Variants in POLR1E observed in about 807,000 individuals in gnomAD.
POLR1E encodes RNA polymerase I subunit E.
POLR1E carries 37 observed loss-of-function variants against 50.9 expected under a neutral mutation model. The observed-to-expected ratio is 0.73, with a 90% CI of 0.56 to 0.96. POLR1E has a LOEUF of 0.96. Ranked by LOEUF, POLR1E falls within the 40% of genes least tolerant of loss-of-function variation. The pLI is 0.00. For missense variants in POLR1E, 426 were observed against 518.1 expected (o/e 0.82, Z 1.73); for synonymous variants, 166 against 191.6 (o/e 0.87, Z 1.10).
chr9:37,501,058 C>T, intron 10 of POLR1E, 137 bp downstream of exon 10: 1 of 811,582 alleles, frequency 1.2e-6, no homozygotes, highest in Non-Finnish European at 1.9e-6. Flanking sequence ...TTGGAAGGCT[C>T]CTGGGGCCCC....
chr9:37,487,849 T>G lies in POLR1E; in HGVS notation c.181-14T>G. 6.2e-7 allele frequency: 1 copy of G among 1,613,548 alleles called. No homozygotes were observed. The highest frequency in any genetic ancestry group is 8.5e-7 in the Non-Finnish European group (1 of 1,179,442). On this transcript the variant is annotated splice_polypyrimidine_tract_variant and intron_variant, in intron 2 of 11. Transcript: ENST00000377798. Reference sequence around the variant, plus strand: ...CATTGGTTGTAAATGGAGTTTCCCCTCTCTGCATTTTAGGCAGCTGAAACA... The same window carrying G: ...CATTGGTTGTAAATGGAGTTTCCCCGCTCTGCATTTTAGGCAGCTGAAACA...
At chr9:37,488,777 T>TC (rs1365489764) in intron 3 of POLR1E, among the ~76,000 whole-genome samples, 1 of 152,088 alleles carries the variant, frequency 6.6e-6, no homozygotes, top group East Asian at 1.9e-4. Context: ...AGTAGCTTTT[T>TC]TTTTTTTCCC....
intron 11 of POLR1E, 55 bp from the exon 12 acceptor site, chr9:37,502,988 C>T: frequency 3.9e-6 from 6 of 1,528,292 alleles, no homozygotes; most frequent in Non-Finnish European, 5.3e-6. Flanking sequence ...GCCAAACCTC[C>T]CTGAACAGTC....
At chr9:37,498,354 C>T (rs961300462) in intron 9 of POLR1E, 130 bp downstream of exon 9, 20 of 998,620 alleles carry the variant, frequency 2.0e-5, no homozygotes, top group Non-Finnish European at 2.3e-5. Flanking sequence ...CTGTGAGATT[C>T]ATTCTGGTAC....
At chr9:37,503,020 TC>T in intron 11 of POLR1E, 22 bp from the exon 12 acceptor site, 1 of 1,598,848 alleles carries the variant, frequency 6.3e-7, no homozygotes, top group Non-Finnish European at 8.5e-7. Context: ...TCTCTCCAGT[TC>T]TTCTGTTTAT....
At chr9:37,486,303 C>A (rs1820573586) in intron 1 of POLR1E, 180 bp downstream of exon 1, 8 of 1,295,672 alleles carry the variant, frequency 6.2e-6, no homozygotes, top group Non-Finnish European at 8.3e-6. Context: ...CACTACCTCC[C>A]AGCCAGATTG....
intron 4 of POLR1E, among the ~76,000 whole-genome samples, chr9:37,491,700 G>A (rs961280032): frequency 1.3e-5 from 2 of 152,142 alleles, no homozygotes; most frequent in Non-Finnish European, 2.9e-5. Context: ...GTGGCCTCAA[G>A]TGATTCACCC....
At position 37,495,258 on chromosome 9, in the gene POLR1E, G is replaced by T. The variant is rs143620552; in HGVS notation, c.637G>T (p.Val213Leu). 4.3e-6 allele frequency: 7 copies of T among 1,613,554 alleles called. No homozygotes were observed. Among genetic ancestry groups the T allele is most frequent in the Admixed American group, 1.7e-5 (1 of 60,010 alleles). Residue 213 changes from valine to leucine, a missense_variant, in exon 7 of 12, where the codon GTG becomes TTG. Coordinates refer to ENST00000377798, the MANE Select transcript of POLR1E (RefSeq NM_022490.4). Reference protein sequence around the residue: ...CYDDAAKPEDVYKFEDLLSPA... With the variant: ...CYDDAAKPEDLYKFEDLLSPA... ...TGATGATGCAGCCAAGCCTGAAGACGTGTATAAATTTGAAGATCGTATCCT... is the reference window on the plus strand; with the variant it reads ...TGATGATGCAGCCAAGCCTGAAGACTTGTATAAATTTGAAGATCGTATCCT...
chr9:37,490,751 A>G, intron 4 of POLR1E: 1 of 656,298 alleles, frequency 1.5e-6, no homozygotes, highest in Non-Finnish European at 2.9e-6. Context: ...TCCTTTTTGA[A>G]CAGTACCCAT....
At chr9:37,501,000 C>A in intron 10 of POLR1E, 79 bp downstream of exon 10, 1 of 1,341,312 alleles carries the variant, frequency 7.5e-7, no homozygotes, top group Non-Finnish European at 1.1e-6. Context: ...GGGGCTTGGA[C>A]TCAATTCCAT....
rs781689861 is a variant in POLR1E at position 37,489,360 on chromosome 9, A to G, written c.303A>G (p.Val101=). ...ACAAGACCTCTGGCCAAATGGAAGT[A>G]TATGATGCTGAATTGTTCAACATGC... ...ILNKTSGQME[V]YDAELFNMQP... The change falls in exon 4 of 12, where the codon GTA becomes GTG. Residue 101 remains valine (V), a synonymous_variant. Transcript: ENST00000377798. 13 of 1,601,722 alleles carry G rather than the reference A, an allele frequency of 8.1e-6. No homozygotes were observed. Among genetic ancestry groups the G allele is most frequent in the South Asian group, 1.2e-5 (1 of 86,892 alleles).
intron 11 of POLR1E, 134 bp downstream of exon 11, chr9:37,501,978 A>G (rs1226951910): frequency 2.2e-6 from 2 of 903,262 alleles, no homozygotes; most frequent in Middle Eastern, 2.4e-4. Flanking sequence ...CTAAAGGACT[A>G]TTTTCAATGA....
intron 8 of POLR1E, among the ~76,000 whole-genome samples, chr9:37,497,071 C>T (rs1820798406): frequency 1.3e-5 from 2 of 152,146 alleles, no homozygotes; most frequent in Admixed American, 1.3e-4. Context: ...AAGAAACTTG[C>T]CCCGCTGGGC....
chr9:37,486,958 G>A (rs771382056), intron 2 of POLR1E, 152 bp downstream of exon 2: 1 of 902,936 alleles, frequency 1.1e-6, no homozygotes, highest in Non-Finnish European at 1.6e-6. Context: ...TGGGATGTGG[G>A]GACAGGCTCC....
chr9:37,500,118 G>A (rs1820855854), intron 9 of POLR1E, among the ~76,000 whole-genome samples: 1 of 151,152 alleles, frequency 6.6e-6, no homozygotes, highest in African/African-American at 2.4e-5. Context: ...TAAAGTGCTG[G>A]GGTTACAAGT....
At chr9:37,500,813 A>G in intron 9 of POLR1E, 27 bp from the exon 10 acceptor site, 1 of 1,578,780 alleles carries the variant, frequency 6.3e-7, no homozygotes, top group Non-Finnish European at 8.7e-7. Flanking sequence ...TTGAGAGAAA[A>G]TGATCAAACT....
Position 37,495,950 on chromosome 9 carries a change from C to G in POLR1E, c.716C>G (p.Thr239Arg). 1.2e-6 allele frequency: 2 copies of G among 1,613,988 alleles called. No individual in the cohort carries two copies. Among genetic ancestry groups the G allele is most frequent in the Non-Finnish European group, 1.7e-6 (2 of 1,179,892 alleles). ...CCATCTGAAGCTTTCAGGAACGTCA[C>G]GTCAGAAGAAATACTGAAGATGATT... ...QSPSEAFRNV[T>R]SEEILKMIEE... is the part of the protein sequence containing the mutation. The change falls in exon 8 of 12, where the codon ACG becomes AGG. Residue 239 changes from threonine to arginine, a missense_variant. Transcript: ENST00000377798.
intron 9 of POLR1E, among the ~76,000 whole-genome samples, chr9:37,499,540 TG>T (rs1188183885): frequency 2.0e-5 from 3 of 149,660 alleles, no homozygotes; most frequent in African/African-American, 4.9e-5. Context: ...GTTTTTGTTT[TG>T]TTTTTTTTGA....
At chr9:37,486,258 G>A (rs1170950639) in intron 1 of POLR1E, 135 bp downstream of exon 1, 1 of 1,300,698 alleles carries the variant, frequency 7.7e-7, no homozygotes, top group East Asian at 2.5e-5. Flanking sequence ...CCACTCCCCT[G>A]GGCTCTGTCA....
Sources: gnomAD v4.1 joint callset for allele counts (sites outside exome capture counted in the v4.1 genomes callset) on GRCh38, gnomAD v4.1.1 for gene constraint, MANE v1.5 for transcripts, NCBI Gene and HGNC (gene_info 2026-07-23, HGNC 2026-07-21) for gene names.